The following CDKAL1 variants were observed in gnomAD, a reference collection of about 807,000 sequenced individuals.
The protein encoded by CDKAL1 is CDKAL1 threonylcarbamoyladenosine tRNA methylthiotransferase.
In CDKAL1, 32 loss-of-function variants were observed where a neutral mutation model predicts 68.2. The ratio of observed to expected loss-of-function variants is 0.47; its 90% CI spans 0.35 to 0.63. The LOEUF (loss-of-function observed/expected upper bound fraction) is 0.63, where lower values mean the gene tolerates loss of function less well. Ranked by LOEUF, CDKAL1 falls within the 30% of genes least tolerant of loss-of-function variation. CDKAL1 has a pLI of 0.00. For synonymous variants in CDKAL1, 234 were observed against 244.3 expected (o/e 0.96, Z 0.39); for missense variants, 606 against 696.7 (o/e 0.87, Z 1.47).
Position 20,665,714 on chromosome 6 carries a change from T to C in CDKAL1, c.371+16337T>C, listed in dbSNP as rs191577474. Among the ~76,000 whole-genome samples the C allele has an allele frequency of 6.6e-5, 10 of 152,232 alleles. No individual in the cohort carries two copies. The East Asian group carries it at 1.3e-3, about 21-fold the overall frequency. Reference sequence around the variant, plus strand: ...TGTATAGAGAGATGAGTTTTTTTTTTTCTAAGCAATGTTATAAAGAAACTG... The same window carrying C: ...TGTATAGAGAGATGAGTTTTTTTTTCTCTAAGCAATGTTATAAAGAAACTG... On this transcript the variant is annotated intron_variant, in intron 5 of 15. Coordinates refer to ENST00000274695, the MANE Select transcript of CDKAL1 (RefSeq NM_017774.3).
chr6:20,750,903 G>T (rs964350031), intron 6 of CDKAL1, among the ~76,000 whole-genome samples: 2 of 144,026 alleles, frequency 1.4e-5, no homozygotes, highest in African/African-American at 5.2e-5. Flanking sequence ...AGCGGAGGTT[G>T]CAGTGAGCCG....
At chr6:20,546,123 A>G (rs1763591832) in intron 2 of CDKAL1, among the ~76,000 whole-genome samples, 1 of 152,132 alleles carries the variant, frequency 6.6e-6, no homozygotes, top group South Asian at 2.1e-4. Flanking sequence ...GGAATGTCCC[A>G]TTGTCATTAG....
chr6:21,028,097 G>A (rs1245320616), intron 11 of CDKAL1, among the ~76,000 whole-genome samples: 1 of 152,146 alleles, frequency 6.6e-6, no homozygotes, highest in Non-Finnish European at 1.5e-5. Flanking sequence ...GTGTATTAGG[G>A]TCATCTGGGC....
At chr6:20,642,035 AT>A (rs1421259899) in intron 4 of CDKAL1, among the ~76,000 whole-genome samples, 1 of 152,160 alleles carries the variant, frequency 6.6e-6, no homozygotes, top group African/African-American at 2.4e-5. Flanking sequence ...ATCGCACTTA[AT>A]ATTTTCTATT....
At chr6:20,811,180 G>GCT (rs1776800241) in intron 8 of CDKAL1, among the ~76,000 whole-genome samples, 1 of 152,158 alleles carries the variant, frequency 6.6e-6, no homozygotes, top group Non-Finnish European at 1.5e-5. Context: ...ATCAAGCAAA[G>GCT]ACCCAGCCTT....
At chr6:21,024,560 A>T (rs900449392) in intron 11 of CDKAL1, among the ~76,000 whole-genome samples, 1 of 152,212 alleles carries the variant, frequency 6.6e-6, no homozygotes, top group East Asian at 1.9e-4. Context: ...GATTACAATG[A>T]TAAGATTACC....
At chr6:20,672,933 T>G (rs1453602280) in intron 5 of CDKAL1, among the ~76,000 whole-genome samples, 2 of 152,014 alleles carry the variant, frequency 1.3e-5, no homozygotes, top group African/African-American at 4.8e-5. Context: ...CGAGCTACCA[T>G]GCCCAGCTAA....
intron 13 of CDKAL1, among the ~76,000 whole-genome samples, chr6:21,191,830 C>T (rs961862217): frequency 1.3e-5 from 2 of 151,178 alleles, no homozygotes; most frequent in Non-Finnish European, 2.9e-5. Flanking sequence ...TTGTAGCACA[C>T]TCATTCTTTC....
At chr6:20,712,528 A>G (rs1315216796) in intron 5 of CDKAL1, among the ~76,000 whole-genome samples, 1 of 152,014 alleles carries the variant, frequency 6.6e-6, no homozygotes, top group East Asian at 1.9e-4. Context: ...AAGTGAAATG[A>G]AAAGAAAAGA....
chr6:20,749,782 C>T (rs772855191), intron 6 of CDKAL1, among the ~76,000 whole-genome samples: 5 of 152,016 alleles, frequency 3.3e-5, no homozygotes, highest in Non-Finnish European at 7.4e-5. Context: ...CTTCTGACCT[C>T]GTGATCTGCC....
At chr6:20,757,550 A>C (rs1394484577) in intron 6 of CDKAL1, among the ~76,000 whole-genome samples, 1 of 125,842 alleles carries the variant, frequency 7.9e-6, no homozygotes, top group Non-Finnish European at 1.8e-5. Context: ...TTATATATTT[A>C]TTTACACACA....
intron 11 of CDKAL1, among the ~76,000 whole-genome samples, chr6:21,016,519 T>A (rs1039681068): frequency 2.2e-4 from 34 of 152,094 alleles, no homozygotes; most frequent in African/African-American, 7.5e-4. Flanking sequence ...AGGCAGTCTT[T>A]CATCCATATT....
chr6:21,017,712 G>GTTA (rs1347561993), intron 11 of CDKAL1, among the ~76,000 whole-genome samples: 1 of 151,972 alleles, frequency 6.6e-6, no homozygotes, highest in Non-Finnish European at 1.5e-5. Flanking sequence ...TGATTTCATT[G>GTTA]TTATTATTAT....
intron 11 of CDKAL1, among the ~76,000 whole-genome samples, chr6:21,061,231 C>T (rs542735324): frequency 4.6e-5 from 7 of 152,016 alleles, no homozygotes; most frequent in East Asian, 1.9e-4. Context: ...ATGCATAATT[C>T]GAACCTTTCT....
intron 9 of CDKAL1, among the ~76,000 whole-genome samples, chr6:20,882,425 A>G (rs1561855060): frequency 6.6e-6 from 1 of 152,186 alleles, no homozygotes; most frequent in East Asian, 1.9e-4. Context: ...AGACTCCCAT[A>G]TCATATAACA....
At chr6:20,708,682 A>C (rs1771712225) in intron 5 of CDKAL1, among the ~76,000 whole-genome samples, 1 of 152,228 alleles carries the variant, frequency 6.6e-6, no homozygotes, top group Non-Finnish European at 1.5e-5. Flanking sequence ...GAATTGAAAC[A>C]GATGCTATTT....
intron 2 of CDKAL1, among the ~76,000 whole-genome samples, chr6:20,538,644 A>G (rs1330751122): frequency 6.6e-6 from 1 of 152,216 alleles, no homozygotes; most frequent in Admixed American, 6.5e-5. Context: ...CTTTTAATTA[A>G]TGTTATTTAA....
chr6:21,131,632 G>T (rs1219426022), intron 13 of CDKAL1, among the ~76,000 whole-genome samples: 2 of 152,104 alleles, frequency 1.3e-5, no homozygotes, highest in Non-Finnish European at 2.9e-5. Context: ...TTACTGAGAA[G>T]ACAGCTGTCA....
intron 4 of CDKAL1, among the ~76,000 whole-genome samples, chr6:20,563,144 C>G (rs987506610): frequency 3.3e-5 from 5 of 152,132 alleles, no homozygotes; most frequent in African/African-American, 1.2e-4. Flanking sequence ...GTGTAAAGAA[C>G]TAATGATTGC....
Sources: allele counts gnomAD v4.1 joint callset (sites outside exome capture counted in the v4.1 genomes callset), GRCh38; gene constraint gnomAD v4.1.1; transcripts MANE v1.5; gene names NCBI Gene and HGNC (gene_info 2026-07-23, HGNC 2026-07-21).